The following MYO10 variants were observed in gnomAD, a reference collection of about 807,000 sequenced individuals.
MYO10 encodes the protein myosin X.
In MYO10, 133 loss-of-function variants were observed where a neutral mutation model predicts 257.3. The observed-to-expected ratio is 0.52, with a 90% CI of 0.45 to 0.60. The LOEUF (loss-of-function observed/expected upper bound fraction) is 0.60, where lower values mean the gene tolerates loss of function less well. Among genes scored for constraint, MYO10 ranks in the 20% least tolerant of loss-of-function variants. The pLI is 0.00. For synonymous variants in MYO10, 1,104 were observed against 1,028.6 expected (o/e 1.07, Z -1.40); for missense variants, 2,399 against 2,635.7 (o/e 0.91, Z 1.97).
chr5:16,710,843 C>G, intron 21 of MYO10, 65 bp downstream of exon 21: 1 of 1,378,868 alleles, frequency 7.3e-7, no homozygotes, highest in African/African-American at 1.4e-5. Context: ...AGCCCTAAAC[C>G]CTGTGAGCAT....
chr5:16,898,916 C>T (rs62371016), intron 1 of MYO10, among the ~76,000 whole-genome samples: 50,655 of 120,390 alleles, frequency 0.42, 12,020 homozygotes, highest in Admixed American at 0.47. Context: ...GAGGCTGAGG[C>T]GGGCAGATCA....
intron 2 of MYO10, among the ~76,000 whole-genome samples, chr5:16,862,172 TCA>T (rs1744124860): frequency 6.6e-6 from 1 of 152,160 alleles, no homozygotes; most frequent in South Asian, 2.1e-4. Context: ...TTCCCTAATG[TCA>T]GAACTGTGGC....
At chr5:16,706,567 A>G (rs984389369) in intron 21 of MYO10, among the ~76,000 whole-genome samples, 1 of 152,028 alleles carries the variant, frequency 6.6e-6, no homozygotes, top group African/African-American at 2.4e-5. Flanking sequence ...AATCTTGGGG[A>G]AGGGGGTGGT....
chr5:16,718,593 A>G (rs1296783435), intron 19 of MYO10, among the ~76,000 whole-genome samples: 1 of 149,292 alleles, frequency 6.7e-6, no homozygotes, highest in East Asian at 2.0e-4. Context: ...TAAACACACC[A>G]ATCGGCACTC....
At chr5:16,715,113 A>ATTTT (rs1222008294) in intron 19 of MYO10, among the ~76,000 whole-genome samples, 14 of 142,424 alleles carry the variant, frequency 9.8e-5, no homozygotes, top group Non-Finnish European at 1.7e-4. Flanking sequence ...TTAAAAAAAA[A>ATTTT]TTTTTTAAAA....
At chr5:16,818,427 C>CGTATATATATGTATATATGTAT (rs1561000965) in intron 2 of MYO10, among the ~76,000 whole-genome samples, 1 of 139,056 alleles carries the variant, frequency 7.2e-6, no homozygotes, top group African/African-American at 2.9e-5. Context: ...TATATATATA[C>CGTATATATATGTATATATGTAT]ACATATCTTT....
At chr5:16,928,698 A>G (rs1191125877) in intron 1 of MYO10, among the ~76,000 whole-genome samples, 3 of 151,588 alleles carry the variant, frequency 2.0e-5, no homozygotes, top group African/African-American at 7.3e-5. Context: ...ATCAAAAATT[A>G]GCCGGGTGTG....
rs79457678 is a variant in MYO10, at chr5:16,779,089, G to T, written c.930+456C>A. On this transcript the variant is annotated intron_variant, in intron 9 of 40. Transcript: ENST00000513610. ...TGTGACAAGACCCCAGGTTTTAGCT[G>T]AACAAAGGAGCAAAATTCTGCAACA... Among the ~76,000 whole-genome samples, 795 of 152,282 alleles carry T rather than the reference G, an allele frequency of 5.2e-3. 7 individuals carry two copies. The highest frequency in any genetic ancestry group is 0.034 in the Middle Eastern group (10 of 294).
chr5:16,931,060 T>C (rs1746281631), intron 1 of MYO10, among the ~76,000 whole-genome samples: 1 of 152,092 alleles, frequency 6.6e-6, no homozygotes, highest in African/African-American at 2.4e-5. Context: ...TCACCTGAGG[T>C]CGGGAGTTCG....
At chr5:16,804,867 G>A (rs1459395394) in intron 3 of MYO10, among the ~76,000 whole-genome samples, 1 of 152,050 alleles carries the variant, frequency 6.6e-6, no homozygotes, top group East Asian at 1.9e-4. Context: ...AGTGAGCCAT[G>A]ACCACTGCAC....
At chr5:16,690,014 A>T in intron 27 of MYO10, 95 bp from the exon 28 acceptor site, 1 of 917,694 alleles carries the variant, frequency 1.1e-6, no homozygotes. Context: ...TAGAGTTGGG[A>T]ACTGTCTGTT....
intron 1 of MYO10, among the ~76,000 whole-genome samples, chr5:16,923,326 C>T (rs1002141929): frequency 2.7e-5 from 4 of 149,642 alleles, no homozygotes; most frequent in African/African-American, 9.9e-5. Flanking sequence ...CTCGCTCCGT[C>T]GCCCAGGTGG....
chr5:16,829,805 C>A (rs766095920), intron 2 of MYO10, among the ~76,000 whole-genome samples: 1 of 152,124 alleles, frequency 6.6e-6, no homozygotes, highest in Non-Finnish European at 1.5e-5. Context: ...CGGTGATACC[C>A]AGGCCCTGAG....
At chr5:16,830,679 G>GCACACACACACACACACTCACACA (rs148243580) in intron 2 of MYO10, among the ~76,000 whole-genome samples, 249 of 149,022 alleles carry the variant, frequency 1.7e-3, no homozygotes, top group South Asian at 0.012. Context: ...TTTTTAATAG[G>GCACACACACACACACACTCACACA]CACACACACA....
At chr5:16,774,999 C>T (rs60507141) in intron 9 of MYO10, among the ~76,000 whole-genome samples, 1 of 152,116 alleles carries the variant, frequency 6.6e-6, no homozygotes, top group Non-Finnish European at 1.5e-5. Context: ...GTGCCAGGCA[C>T]GCTGTAAACA....
intron 3 of MYO10, among the ~76,000 whole-genome samples, chr5:16,799,353 C>T (rs1308078932): frequency 6.6e-6 from 1 of 152,192 alleles, no homozygotes; most frequent in Non-Finnish European, 1.5e-5. Context: ...ATTCACACCA[C>T]ACCTTGTCCA....
At position 16,710,851 on chromosome 5, in the gene MYO10, C is replaced by T. The variant is rs374021767; in HGVS notation, c.2169+57G>A. The T allele has an allele frequency of 7.3e-5, 106 of 1,442,206 alleles. 2 individuals carry two copies. The African/African-American group carries it at 1.2e-3, about 17-fold the overall frequency. The allele number at this position is 1,442,206 out of a possible 1,614,324, so 89.3% of individuals were successfully genotyped here. On this transcript the variant is annotated intron_variant, in intron 21 of 40. Coordinates refer to ENST00000513610, the MANE Select transcript of MYO10 (RefSeq NM_012334.3). ...GTCATAGAGCCCTAAACCCTGTGAG[C>T]ATCACCCCGAGATCTGTCAGGGATT... is the stretch of plus-strand genomic sequence containing the variant.
chr5:16,667,451 C>G (rs534184370), intron 40 of MYO10, among the ~76,000 whole-genome samples: 14 of 152,298 alleles, frequency 9.2e-5, no homozygotes, highest in African/African-American at 3.4e-4. Context: ...AGTCCCACCC[C>G]AGAGATCACT....
intron 1 of MYO10, chr5:16,902,482 A>G (rs781531972): frequency 7.2e-6 from 11 of 1,526,758 alleles, no homozygotes; most frequent in Admixed American, 1.7e-5. Context: ...CTCGCTTCAG[A>G]CATGTCCCTG....
Sources: allele counts gnomAD v4.1 joint callset (sites outside exome capture counted in the v4.1 genomes callset), GRCh38; gene constraint gnomAD v4.1.1; transcripts MANE v1.5; gene names NCBI Gene and HGNC (gene_info 2026-07-23, HGNC 2026-07-21).